Variants in ADAMTS20 observed in about 807,000 individuals in gnomAD.
ADAMTS20 encodes ADAM metallopeptidase with thrombospondin type 1 motif 20, also known as A disintegrin and metalloproteinase with thrombospondin motifs 20.
Under a neutral mutation model 260.1 loss-of-function variants are expected in ADAMTS20, and 225 were observed. The ratio of observed to expected loss-of-function variants is 0.87; its 90% CI spans 0.78 to 0.97. The LOEUF is 0.97. Ranked by LOEUF, ADAMTS20 falls within the 50% of genes least tolerant of loss-of-function variation. The pLI, the probability that ADAMTS20 is intolerant of heterozygous loss-of-function variation, is 0.00. For synonymous variants in ADAMTS20, 802 were observed against 769.5 expected, an observed-to-expected ratio of 1.04 and a Z score of -0.70; for missense variants, 2,400 against 2,337.7, an observed-to-expected ratio of 1.03 and a Z score of -0.55.
At chr12:43,541,679 T>G (rs1460652539) in intron 2 of ADAMTS20, among the ~76,000 whole-genome samples, 1 of 152,108 alleles carries the variant, frequency 6.6e-6, no homozygotes, top group Non-Finnish European at 1.5e-5. Context: ...GAAACACACA[T>G]TGAATAAATG....
chr12:43,493,137 A>G (rs1203430871), intron 5 of ADAMTS20, 33 bp downstream of exon 5: 1 of 1,420,520 alleles, frequency 7.0e-7, no homozygotes, highest in Non-Finnish European at 9.7e-7. Context: ...ACTTACTACA[A>G]CTAAGGTTAC....
At chr12:43,506,758 G>A (rs10880514) in intron 3 of ADAMTS20, among the ~76,000 whole-genome samples, 30,007 of 150,616 alleles carry the variant, frequency 0.2, 3,332 homozygotes, top group Middle Eastern at 0.31. Flanking sequence ...GATTACAGGC[G>A]TGAGCCACCG....
chr12:43,551,245 G>A lies in ADAMTS20; in HGVS notation c.117C>T (p.Ser39=), dbSNP rs1322093858. 2 of 1,613,542 alleles carry A rather than the reference G, an allele frequency of 1.2e-6. No homozygotes were observed. The highest frequency in any genetic ancestry group is 3.3e-5 in the Admixed American group (2 of 59,992). The change falls in exon 2 of 39, where the codon TCC becomes TCT. Residue 39 remains serine, a synonymous_variant. Coordinates refer to ENST00000389420, the MANE Select transcript of ADAMTS20 (RefSeq NM_025003.5). This position sits in a 1 kb window ranked among gnomAD's most constrained non-coding sequence, Gnocchi z 4.6. ...RQEALVRTLT[S]YEVVIPERVN... ...CCCGCTCGGGGATCACTACTTCGTA[G>A]GAGGTCAGTGTCCTCACCAGGGCTT...
intron 7 of ADAMTS20, among the ~76,000 whole-genome samples, chr12:43,477,511 C>T (rs958067252): frequency 6.6e-6 from 1 of 152,108 alleles, no homozygotes; most frequent in Non-Finnish European, 1.5e-5. Flanking sequence ...TTCCAAAGAA[C>T]CCCTTAACAT....
intron 11 of ADAMTS20, among the ~76,000 whole-genome samples, chr12:43,461,260 G>A (rs1288125342): frequency 6.6e-6 from 1 of 151,406 alleles, no homozygotes; most frequent in Admixed American, 6.6e-5. Flanking sequence ...CAAAGTGCTG[G>A]GATTACAGGC....
intron 29 of ADAMTS20, among the ~76,000 whole-genome samples, chr12:43,396,503 CT>C (rs1238260476): frequency 1.3e-5 from 2 of 152,064 alleles, no homozygotes; most frequent in Non-Finnish European, 2.9e-5. Context: ...CGTGTGGGTG[CT>C]TTTTATAGAA....
At chr12:43,531,006 A>T (rs1243335856) in intron 3 of ADAMTS20, among the ~76,000 whole-genome samples, 1 of 151,944 alleles carries the variant, frequency 6.6e-6, no homozygotes, top group Non-Finnish European at 1.5e-5. Flanking sequence ...AAACTCTCAA[A>T]AACAGGAGAT....
intron 31 of ADAMTS20, among the ~76,000 whole-genome samples, chr12:43,381,299 T>C (rs1940344847): frequency 6.6e-6 from 1 of 152,086 alleles, no homozygotes. Flanking sequence ...GAGCATGAAG[T>C]AGGCAATAGT....
chr12:43,429,479 C>A (rs929861274), intron 24 of ADAMTS20, 138 bp downstream of exon 24: 4 of 597,182 alleles, frequency 6.7e-6, no homozygotes, highest in African/African-American at 3.8e-5. Context: ...ATTCCTAATT[C>A]TAAACCCTAT....
chr12:43,363,249 G>C (rs115315755), intron 37 of ADAMTS20, among the ~76,000 whole-genome samples: 4 of 151,996 alleles, frequency 2.6e-5, no homozygotes, highest in Non-Finnish European at 5.9e-5. Flanking sequence ...TTCTCTTTGA[G>C]ACAGGCAGGC....
Position 43,460,982 on chromosome 12 carries a change from A to T in ADAMTS20, c.1614+1913T>A, listed in dbSNP as rs1190713418. Among the ~76,000 whole-genome samples, 32 of 42,632 alleles carry T rather than the reference A, an allele frequency of 7.5e-4. 2 individuals carry two copies. In the East Asian group the frequency reaches 0.17, roughly 222 times the overall value. The allele number at this position is 42,632 out of a possible 152,430, so 28.0% of individuals were successfully genotyped here. ...AACTAAATTATATATATATATATAT[A>T]TATATATTTTTTTTTTTTTTTTTTT... On this transcript the variant is annotated intron_variant, in intron 11 of 38. Coordinates refer to ENST00000389420, the MANE Select transcript of ADAMTS20 (RefSeq NM_025003.5).
intron 3 of ADAMTS20, among the ~76,000 whole-genome samples, chr12:43,512,600 T>C (rs1462546910): frequency 6.6e-6 from 1 of 152,086 alleles, no homozygotes; most frequent in African/African-American, 2.4e-5. Flanking sequence ...TTCAAAGAGT[T>C]TCACGAGTTA....
intron 12 of ADAMTS20, among the ~76,000 whole-genome samples, chr12:43,453,160 T>A (rs890735166): frequency 6.6e-6 from 1 of 152,148 alleles, no homozygotes; most frequent in Non-Finnish European, 1.5e-5. Flanking sequence ...TATTTTGACT[T>A]ATGCTGGAAA....
intron 37 of ADAMTS20, 95 bp downstream of exon 37, chr12:43,369,189 TTACTTA>T (rs1276576730): frequency 1.6e-6 from 1 of 640,540 alleles, no homozygotes; most frequent in Non-Finnish European, 2.3e-6. Flanking sequence ...GCATTTCTAT[TTACTTA>T]TGTTTCTTGC....
chr12:43,428,716 A>G lies in ADAMTS20; in HGVS notation c.3573T>C (p.Tyr1191=), dbSNP rs749949722. The G allele has an allele frequency of 6.2e-7, 1 of 1,612,912 alleles. No homozygotes were observed. The highest frequency in any genetic ancestry group is 8.5e-7 in the Non-Finnish European group (1 of 1,179,166). The part of the protein sequence containing the change: ...DALDRIADES[Y]CAHLPRPAEI... ...CAGCAGGTCGGGGTAAGTGGGCACA[A>G]TATGATTCATCTGCTATTCTATCAA... The change falls in exon 25 of 39, where the codon TAT becomes TAC. Residue 1191 remains tyrosine, a synonymous_variant. Transcript: ENST00000389420.
At chr12:43,525,750 G>A (rs1271196906) in intron 3 of ADAMTS20, among the ~76,000 whole-genome samples, 1 of 151,964 alleles carries the variant, frequency 6.6e-6, no homozygotes, top group Non-Finnish European at 1.5e-5. Context: ...AGACTTTAAA[G>A]CAGCAACAGT....
intron 4 of ADAMTS20, among the ~76,000 whole-genome samples, chr12:43,498,411 AT>A (rs2137440098): frequency 6.6e-6 from 1 of 152,008 alleles, no homozygotes; most frequent in East Asian, 2.0e-4. Flanking sequence ...TCCTGAAAGC[AT>A]TCCCCTATTT....
intron 13 of ADAMTS20, 34 bp from the exon 14 acceptor site, chr12:43,452,444 A>G (rs767251469): frequency 2.5e-6 from 4 of 1,606,926 alleles, no homozygotes; most frequent in Non-Finnish European, 3.4e-6. Flanking sequence ...TTTTTAATGT[A>G]TAATAATAAA....
intron 11 of ADAMTS20, among the ~76,000 whole-genome samples, chr12:43,456,782 A>C (rs937346698): frequency 5.9e-5 from 9 of 152,144 alleles, no homozygotes; most frequent in Admixed American, 3.9e-4. Flanking sequence ...GGCTCTTTTA[A>C]AAAGAGCAGG....
Sources: allele counts gnomAD v4.1 joint callset (sites outside exome capture counted in the v4.1 genomes callset), GRCh38; gene constraint gnomAD v4.1.1; non-coding constraint Gnocchi (gnomAD v3.1); transcripts MANE v1.5; gene names NCBI Gene and HGNC (gene_info 2026-07-23, HGNC 2026-07-21).